The following KLF8 variants were observed in gnomAD, a reference collection of about 807,000 sequenced individuals.
KLF8 encodes the protein Krueppel-like factor 8.
In KLF8, 10 loss-of-function variants were observed where a neutral mutation model predicts 18.2. That is an observed-to-expected ratio of 0.55 (90% CI 0.34 to 0.93). KLF8 has a LOEUF of 0.93. KLF8 is among the 40% of genes least tolerant of loss of function. The pLI, the probability that KLF8 is intolerant of heterozygous loss-of-function variation, is 0.02. For missense variants in KLF8, 264 were observed against 277.9 expected (o/e 0.95, Z 0.36); for synonymous variants, 109 against 97.3 (o/e 1.12, Z -0.71).
In KLF8 at chrX:56,235,605, G is replaced by A. The variant is rs188487878; in HGVS notation, c.7+2264G>A. On this transcript the variant is annotated intron_variant, in intron 1 of 5. Transcript: ENST00000468660. ...CTAATTTTGTATTTTTAGTGGAGAC[G>A]GGGTTTCTCCATGTTGGTCAGGCTG... Among the ~76,000 whole-genome samples the A allele has an allele frequency of 2.7e-5, 3 of 109,344 alleles. No individual in the cohort carries two copies. The East Asian group carries it at 8.7e-4, about 32-fold the overall frequency. 95.0% of individuals were successfully genotyped at this position (109,344 alleles called of 115,157 possible).
At chrX:55,911,319 A>T in the KLF8 span, among the ~76,000 whole-genome samples, 1 of 111,249 alleles carries the variant, frequency 9.0e-6, no homozygotes, top group Non-Finnish European at 1.9e-5. Context: ...CCTGCAGTTC[A>T]AACCTGTGTT....
the KLF8 span, among the ~76,000 whole-genome samples, chrX:56,093,792 G>A: frequency 2.7e-5 from 3 of 110,133 alleles, no homozygotes; most frequent in African/African-American, 9.9e-5. Context: ...TAAAGGATGA[G>A]GGGAAGAGTT....
At chrX:56,183,532 C>T in the KLF8 span, among the ~76,000 whole-genome samples, 1 of 111,405 alleles carries the variant, frequency 9.0e-6, no homozygotes, top group Non-Finnish European at 1.9e-5. Context: ...AGAAATCACC[C>T]ATCTTCTGTG....
chrX:56,105,655 CTT>C, the KLF8 span, among the ~76,000 whole-genome samples: 3 of 109,280 alleles, frequency 2.7e-5, no homozygotes, highest in Admixed American at 3.0e-4. Flanking sequence ...GTTCTTGACT[CTT>C]TATCCAATTT....
the KLF8 span, among the ~76,000 whole-genome samples, chrX:56,062,140 T>C: frequency 3.7e-4 from 41 of 109,801 alleles, no homozygotes; most frequent in Non-Finnish European, 6.6e-4. Context: ...TGTCTTTTAA[T>C]TGAGGCATTC....
the KLF8 span, among the ~76,000 whole-genome samples, chrX:56,134,491 C>T: frequency 9.0e-6 from 1 of 111,710 alleles, no homozygotes; most frequent in Non-Finnish European, 1.9e-5. Flanking sequence ...CATCTCTCAC[C>T]TTATACAAAA....
At chrX:56,215,358 C>A in the KLF8 span, among the ~76,000 whole-genome samples, 1 of 111,449 alleles carries the variant, frequency 9.0e-6, no homozygotes, top group African/African-American at 3.3e-5. Flanking sequence ...TGGCTCCAAA[C>A]TAAATAAGTC....
At chrX:56,141,226 C>A in the KLF8 span, among the ~76,000 whole-genome samples, 2 of 112,096 alleles carry the variant, frequency 1.8e-5, no homozygotes, top group Non-Finnish European at 3.8e-5. Flanking sequence ...CTTGGCCTCC[C>A]AATGTGCTGG....
At chrX:56,275,239 G>A (rs963894493) in intron 5 of KLF8, among the ~76,000 whole-genome samples, 1 of 110,498 alleles carries the variant, frequency 9.0e-6, no homozygotes, top group Non-Finnish European at 1.9e-5. Context: ...TAATTCCTAG[G>A]TATTTCATTT....
the KLF8 span, among the ~76,000 whole-genome samples, chrX:56,182,433 G>A: frequency 8.7e-4 from 98 of 112,133 alleles, 1 homozygote; most frequent in African/African-American, 2.9e-3. Flanking sequence ...AGAGGAGTTT[G>A]TTATTGCTGA....
At position 56,289,649 on chromosome X, in the gene KLF8, C is replaced by T. The variant is rs1027370721; in HGVS notation, c.*5155C>T. On this transcript the variant is annotated 3_prime_UTR_variant, in exon 6 of 6. Coordinates refer to ENST00000468660, the MANE Select transcript of KLF8 (RefSeq NM_007250.5). Reference sequence around the variant, plus strand: ...TGTTAGTTACATGAAGCCTCCCACACTAATACTGAGAAACCTGGCTCTCAA... The same window carrying T: ...TGTTAGTTACATGAAGCCTCCCACATTAATACTGAGAAACCTGGCTCTCAA... Among the ~76,000 whole-genome samples, 2 of 111,711 alleles carry T rather than the reference C, an allele frequency of 1.8e-5. No individual in the cohort carries two copies. The highest frequency in any genetic ancestry group is 6.5e-5 in the African/African-American group (2 of 30,732).
At chrX:55,977,212 A>T in the KLF8 span, among the ~76,000 whole-genome samples, 1 of 111,892 alleles carries the variant, frequency 8.9e-6, no homozygotes, top group Non-Finnish European at 1.9e-5. Flanking sequence ...TTAGAGAAAA[A>T]GTCTTCAGCT....
At chrX:56,129,073 T>C in the KLF8 span, among the ~76,000 whole-genome samples, 1 of 112,100 alleles carries the variant, frequency 8.9e-6, no homozygotes, top group Non-Finnish European at 1.9e-5. Flanking sequence ...GCAGTGTAGA[T>C]GATTCACCTT....
intron 1 of KLF8, 45 bp from the exon 2 acceptor site, chrX:56,250,186 T>C (rs747008073): frequency 1.0e-6 from 1 of 980,372 alleles, no homozygotes; most frequent in Non-Finnish European, 1.5e-6. Context: ...ATATAGTGGG[T>C]TAGATTTTAT....
At chrX:55,929,081 G>A in the KLF8 span, among the ~76,000 whole-genome samples, 2 of 112,256 alleles carry the variant, frequency 1.8e-5, no homozygotes, top group Admixed American at 1.9e-4. Context: ...GTGTGAGATG[G>A]TATCTCATTG....
the KLF8 span, among the ~76,000 whole-genome samples, chrX:56,041,934 G>A: frequency 1.8e-5 from 2 of 111,821 alleles, no homozygotes; most frequent in Non-Finnish European, 3.8e-5. Context: ...TGATCTGCCT[G>A]CCTCTGCCTC....
chrX:55,911,253 G>A, the KLF8 span, among the ~76,000 whole-genome samples: 1 of 111,649 alleles, frequency 9.0e-6, no homozygotes. Flanking sequence ...AGAGCAGGGT[G>A]TGGTCTTGCT....
chrX:56,014,840 T>TTG, the KLF8 span: 4 of 100,386 alleles, frequency 4.0e-5, no homozygotes, highest in African/African-American at 1.1e-4. Flanking sequence ...TTTTTTTTTT[T>TTG]GCAGAGATGT....
Position 56,270,217 on chromosome X carries a change from C to T in KLF8, c.794C>T (p.Ser265Leu), listed in dbSNP as rs2067033485. Residue 265 changes from serine (S) to leucine (L), a missense_variant, in exon 5 of 6, where the codon TCG becomes TTG. Physicochemically the swap from Ser to Leu is moderately radical, Grantham distance 145. Transcript: ENST00000468660. ...AAMAQMQGEE[S>L]LDLKRRRIHQ... Reference sequence around the variant, plus strand: ...ATGGCCCAAATGCAGGGAGAAGAGTCGCTTGACTTGAAGAGAAGACGGATT... The same window carrying T: ...ATGGCCCAAATGCAGGGAGAAGAGTTGCTTGACTTGAAGAGAAGACGGATT... The T allele has an allele frequency of 4.1e-6, 5 of 1,209,335 alleles. No homozygotes were observed. The highest frequency in any genetic ancestry group is 5.6e-6 in the Non-Finnish European group (5 of 894,194).
Sources: gnomAD v4.1 joint callset for allele counts (sites outside exome capture counted in the v4.1 genomes callset) on GRCh38, gnomAD v4.1.1 for gene constraint, MANE v1.5 for transcripts, NCBI Gene and HGNC (gene_info 2026-07-23, HGNC 2026-07-21) for gene names.